Variants in ENTREP2 observed in about 807,000 individuals in gnomAD.
ENTREP2 encodes the protein endosomal transmembrane epsin interactor 2.
At chr15:29,285,857 T>C in the ENTREP2 span, among the ~76,000 whole-genome samples, 4 of 152,194 alleles carry the variant, frequency 2.6e-5, no homozygotes, top group Admixed American at 2.6e-4. Context: ...TTGAGCAAGC[T>C]GAGTTCAGTC....
At chr15:29,298,897 AC>A in the ENTREP2 span, among the ~76,000 whole-genome samples, 1 of 152,132 alleles carries the variant, frequency 6.6e-6, no homozygotes, top group South Asian at 2.1e-4. Context: ...CTCTGATAAG[AC>A]CTTTCATGAA....
chr15:29,392,251 T>C, the ENTREP2 span, among the ~76,000 whole-genome samples: 2 of 152,124 alleles, frequency 1.3e-5, no homozygotes, highest in African/African-American at 2.4e-5. Context: ...CGTGAGCCAC[T>C]GTGCCCGGCC....
chr15:29,415,985 T>C, the ENTREP2 span, among the ~76,000 whole-genome samples: 1 of 152,034 alleles, frequency 6.6e-6, no homozygotes, highest in Non-Finnish European at 1.5e-5. Context: ...CACTGCTCAA[T>C]GAAATAAAAG....
the ENTREP2 span, among the ~76,000 whole-genome samples, chr15:29,621,384 G>A: frequency 2.0e-5 from 3 of 151,426 alleles, no homozygotes; most frequent in Admixed American, 6.6e-5. Context: ...TTAGCCAGGC[G>A]TGGTGGCGGG....
chr15:29,656,366 C>G, the ENTREP2 span, among the ~76,000 whole-genome samples: 1 of 152,126 alleles, frequency 6.6e-6, no homozygotes, highest in African/African-American at 2.4e-5. Flanking sequence ...GCTGGGACTA[C>G]AGACATCCAT....
chr15:29,504,461 A>G, the ENTREP2 span, among the ~76,000 whole-genome samples: 1 of 152,246 alleles, frequency 6.6e-6, no homozygotes, highest in Non-Finnish European at 1.5e-5. Flanking sequence ...AGAAACAAAG[A>G]AATGAAGTAA....
chr15:29,160,407 G>A, the ENTREP2 span, among the ~76,000 whole-genome samples: 1 of 152,108 alleles, frequency 6.6e-6, no homozygotes, highest in Non-Finnish European at 1.5e-5. Flanking sequence ...GCCAGGGAAG[G>A]CTGCGAGGAC....
At chr15:29,186,429 C>T in the ENTREP2 span, among the ~76,000 whole-genome samples, 1 of 152,194 alleles carries the variant, frequency 6.6e-6, no homozygotes, top group Non-Finnish European at 1.5e-5. Context: ...AAAGGCAGCA[C>T]CTCCCTTAGT....
chr15:29,431,808 G>A, the ENTREP2 span, among the ~76,000 whole-genome samples: 2 of 152,282 alleles, frequency 1.3e-5, no homozygotes, highest in African/African-American at 4.8e-5. Flanking sequence ...GGAGTGGGAG[G>A]TGGAGGCAGA....
chr15:29,328,480 C>CA, the ENTREP2 span, among the ~76,000 whole-genome samples: 1 of 151,932 alleles, frequency 6.6e-6, no homozygotes, highest in Non-Finnish European at 1.5e-5. Flanking sequence ...CAAAATGTGA[C>CA]AAAAAACAAT....
the ENTREP2 span, among the ~76,000 whole-genome samples, chr15:29,219,877 G>C: frequency 2.0e-5 from 3 of 151,558 alleles, no homozygotes; most frequent in Non-Finnish European, 4.4e-5. Flanking sequence ...AAAGTAGGAA[G>C]GGGGTGAGGG....
chr15:29,175,387 A>T, the ENTREP2 span, among the ~76,000 whole-genome samples: 1 of 152,244 alleles, frequency 6.6e-6, no homozygotes, highest in Non-Finnish European at 1.5e-5. Context: ...ACGATTAATC[A>T]TCTGAGTGTC....
chr15:29,126,435 T>A, the ENTREP2 span: 1 of 1,549,978 alleles, frequency 6.5e-7, no homozygotes, highest in African/African-American at 1.4e-5. Context: ...GGGGATGGGC[T>A]GGAACCTGGC....
the ENTREP2 span, among the ~76,000 whole-genome samples, chr15:29,535,528 A>C: frequency 3.5e-4 from 53 of 152,204 alleles, no homozygotes; most frequent in Non-Finnish European, 7.5e-4. Context: ...CAAAGAAAAA[A>C]AAATTTTTTT....
At chr15:29,381,714 C>T in the ENTREP2 span, 1 of 1,409,054 alleles carries the variant, frequency 7.1e-7, no homozygotes, top group Non-Finnish European at 9.8e-7. Context: ...CTCCAACCTG[C>T]TCACGCATCT....
chr15:29,218,228 C>T, the ENTREP2 span, among the ~76,000 whole-genome samples: 1 of 152,160 alleles, frequency 6.6e-6, no homozygotes, highest in Non-Finnish European at 1.5e-5. Context: ...GGTTGGCCTC[C>T]TGACGGGAGG....
chr15:29,142,419 C>T, the ENTREP2 span, among the ~76,000 whole-genome samples: 3 of 152,244 alleles, frequency 2.0e-5, no homozygotes, highest in African/African-American at 7.2e-5. Context: ...ATAAGTAGCA[C>T]CTACTGTCCA....
the ENTREP2 span, among the ~76,000 whole-genome samples, chr15:29,555,772 C>T: frequency 6.6e-6 from 1 of 152,228 alleles, no homozygotes; most frequent in South Asian, 2.1e-4. Flanking sequence ...TTCTTTCCTA[C>T]CTCTTTCCTT....
At chr15:29,282,802 G>A in the ENTREP2 span, among the ~76,000 whole-genome samples, 1 of 152,182 alleles carries the variant, frequency 6.6e-6, no homozygotes, top group South Asian at 2.1e-4. Context: ...GACTCCTCCA[G>A]CACATCCAAG....
Sources: gnomAD v4.1 joint callset for allele counts (sites outside exome capture counted in the v4.1 genomes callset) on GRCh38, gnomAD v4.1.1 for gene constraint, MANE v1.5 for transcripts, NCBI Gene and HGNC (gene_info 2026-07-23, HGNC 2026-07-21) for gene names.